STON2: variants seen among roughly 807,000 people sequenced by gnomAD.
STON2 encodes the protein stonin 2.
In STON2, 29 loss-of-function variants were observed where a neutral mutation model predicts 65.7. The observed-to-expected ratio is 0.44, with a 90% CI of 0.33 to 0.60. STON2 has a LOEUF of 0.60. Among genes scored for constraint, STON2 ranks in the 20% least tolerant of loss-of-function variants. STON2 has a pLI of 0.03. For missense variants in STON2, 1,054 were observed against 1,118.1 expected, an observed-to-expected ratio of 0.94 and a Z score of 0.82; for synonymous variants, 404 against 414.2, an observed-to-expected ratio of 0.98 and a Z score of 0.30.
chr14:81,346,015 C>G (rs1897797275), intron 4 of STON2, among the ~76,000 whole-genome samples: 1 of 152,168 alleles, frequency 6.6e-6, no homozygotes, highest in Non-Finnish European at 1.5e-5. Context: ...GTTCTTGAGT[C>G]TCATGGCAGA....
intron 3 of STON2, among the ~76,000 whole-genome samples, chr14:81,382,090 G>A (rs1899549067): frequency 1.3e-5 from 2 of 151,932 alleles, no homozygotes; most frequent in Non-Finnish European, 2.9e-5. Context: ...GTGGTGGCAG[G>A]CACCTGTAAT....
intron 4 of STON2, among the ~76,000 whole-genome samples, chr14:81,331,433 AG>A (rs1897210435): frequency 6.6e-6 from 1 of 152,202 alleles, no homozygotes; most frequent in African/African-American, 2.4e-5. Context: ...AGGCAGAGCC[AG>A]GACTGGATCT....
At position 81,358,222 on chromosome 14, in the gene STON2, G is replaced by C. The variant is rs557338085; in HGVS notation, c.571+12766C>G. Among the ~76,000 whole-genome samples, 77 of 151,922 alleles carry C rather than the reference G, an allele frequency of 5.1e-4. 1 individual carries two copies. The South Asian group carries it at 6.0e-3, about 12-fold the overall frequency. On this transcript the variant is annotated intron_variant, in intron 4 of 7. Transcript: ENST00000614646. ...ACTATAGCTAAAATAAATTGTCAAA[G>C]GATACCCATTACAAAATAATATAAA...
rs746028556 is a variant in STON2, at chr14:81,398,423, G to A, written c.-41C>T. 5 of 1,522,838 alleles carry A rather than the reference G, an allele frequency of 3.3e-6. No individual in the cohort carries two copies. The African/African-American group carries it at 4.1e-5, about 13-fold the overall frequency. 94.3% of individuals were successfully genotyped at this position (1,522,838 alleles called of 1,614,324 possible). ...GTCATCTTCACACTGCTGACCTCAG[G>A]TGAACCCCAGAATACTGTCTGGGGT... On this transcript the variant is annotated 5_prime_UTR_variant, in exon 2 of 8. Coordinates refer to ENST00000614646, the MANE Select transcript of STON2 (RefSeq NM_001394390.1).
At chr14:81,304,657 G>A (rs966959213) in intron 5 of STON2, among the ~76,000 whole-genome samples, 4 of 152,164 alleles carry the variant, frequency 2.6e-5, no homozygotes, top group Admixed American at 2.0e-4. Flanking sequence ...GAGCCTGGGA[G>A]GCGGGGGTTG....
Position 81,265,788 on chromosome 14 carries a change from A to G in STON2, c.*2626T>C. The G allele has an allele frequency of 1.0e-6, 1 of 985,334 alleles. No individual in the cohort carries two copies. Among genetic ancestry groups the G allele is most frequent in the Middle Eastern group, 5.2e-4 (1 of 1,914 alleles). The allele number at this position is 985,334 out of a possible 1,614,324, so 61.0% of individuals were successfully genotyped here. A position where few individuals can be genotyped will look rare whatever the true frequency, so the allele number is the denominator to read the frequency against. ...AACAAAAAAGTCCAGGTGCATGTAC[A>G]CAGGAAATGAGAATTTACCATGGGG... On this transcript the variant is annotated 3_prime_UTR_variant, in exon 8 of 8. Coordinates refer to ENST00000614646, the MANE Select transcript of STON2 (RefSeq NM_001394390.1).
chr14:81,263,908 A>C lies in STON2; in HGVS notation c.*4506T>G, dbSNP rs189158709. On this transcript the variant is annotated 3_prime_UTR_variant, in exon 8 of 8. Coordinates refer to ENST00000614646, the MANE Select transcript of STON2 (RefSeq NM_001394390.1). The stretch of plus-strand genomic sequence containing the variant: ...TGAAATATATATCACCTCTGAAATC[A>C]TGACTTTATCTCACAAATTTTGACC... 271 of 985,434 alleles carry C rather than the reference A, an allele frequency of 2.8e-4. No homozygotes were observed. Among genetic ancestry groups the C allele is most frequent in the Non-Finnish European group, 2.8e-4 (234 of 829,932 alleles). The allele number at this position is 985,434 out of a possible 1,614,324, so 61.0% of individuals were successfully genotyped here.
chr14:81,418,412 T>C (rs1268013273), intron 2 of STON2, among the ~76,000 whole-genome samples: 2 of 152,110 alleles, frequency 1.3e-5, no homozygotes, highest in African/African-American at 4.8e-5. Flanking sequence ...GAGATTTGGG[T>C]GGGGACACAG....
chr14:81,376,454 C>T (rs140091643), intron 3 of STON2, among the ~76,000 whole-genome samples: 1 of 152,084 alleles, frequency 6.6e-6, no homozygotes, highest in African/African-American at 2.4e-5. Flanking sequence ...TGTCCAATAA[C>T]CTTGAAATAA....
chr14:81,416,295 G>C (rs143946915), intron 2 of STON2, among the ~76,000 whole-genome samples: 48 of 152,284 alleles, frequency 3.2e-4, no homozygotes, highest in African/African-American at 1.0e-3. Context: ...CTAGTCAAGA[G>C]AGAGAACAAG....
intron 3 of STON2, among the ~76,000 whole-genome samples, chr14:81,385,839 G>A (rs1474709793): frequency 6.6e-6 from 1 of 152,200 alleles, no homozygotes; most frequent in Non-Finnish European, 1.5e-5. Context: ...ATAATAACAA[G>A]TAAACTAATG....
At chr14:81,377,624 C>A (rs1899315192) in intron 3 of STON2, among the ~76,000 whole-genome samples, 1 of 152,164 alleles carries the variant, frequency 6.6e-6, no homozygotes, top group Non-Finnish European at 1.5e-5. Context: ...ATTTTATATT[C>A]CCACCAGCAA....
intron 5 of STON2, chr14:81,323,776 T>C (rs1896904896): frequency 6.6e-6 from 1 of 152,082 alleles, no homozygotes; most frequent in Non-Finnish European, 1.5e-5. Context: ...AAAGGGTACA[T>C]TGTACTAACT....
In STON2 at chr14:81,382,335, C is replaced by G. The variant is rs565090411; in HGVS notation, c.374-11150G>C. 2.6e-5 allele frequency among the ~76,000 whole-genome samples: 4 copies of G among 152,218 alleles called. No individual in the cohort carries two copies. The South Asian group carries it at 8.3e-4, about 32-fold the overall frequency. ...CACAGAGTAATAAAAACTAAAAGAA[C>G]CATAGCTACAAGTTCTTTTCGTTTT... On this transcript the variant is annotated intron_variant, in intron 3 of 7. Transcript: ENST00000614646.
In STON2 at chr14:81,268,180, C is replaced by T. The variant is rs898867364; in HGVS notation, c.*234G>A. On this transcript the variant is annotated 3_prime_UTR_variant, in exon 8 of 8. Coordinates refer to ENST00000614646, the MANE Select transcript of STON2 (RefSeq NM_001394390.1). ...TAAGCTCCAACAGTCAGGTGAACCT[C>T]GTGCTTTAGGCATGACCAGAATCAA... 6 of 1,125,060 alleles carry T rather than the reference C, an allele frequency of 5.3e-6. No homozygotes were observed. Among genetic ancestry groups the T allele is most frequent in the Middle Eastern group, 3.2e-4 (1 of 3,078 alleles). 69.7% of individuals were successfully genotyped at this position (1,125,060 alleles called of 1,614,324 possible). A position where few individuals can be genotyped will look rare whatever the true frequency, so the allele number is the denominator to read the frequency against.
intron 4 of STON2, among the ~76,000 whole-genome samples, chr14:81,370,447 G>C (rs1050018564): frequency 2.0e-5 from 3 of 152,174 alleles, no homozygotes; most frequent in African/African-American, 7.2e-5. Context: ...TTTAATAAAG[G>C]AGGCATAGTG....
At position 81,354,989 on chromosome 14, in the gene STON2, G is replaced by GA. The variant is rs777805088; in HGVS notation, c.571+15998dup. On this transcript the variant is annotated intron_variant, in intron 4 of 7. Coordinates refer to ENST00000614646, the MANE Select transcript of STON2 (RefSeq NM_001394390.1). ...GAGCAGAGATCACTCCGTCTCAGAA[G>GA]AAAAAAAAAAAATGAAATAGAACAC... is the stretch of plus-strand genomic sequence containing the variant. Among the ~76,000 whole-genome samples, 1,133 of 133,506 alleles carry GA rather than the reference G, an allele frequency of 8.5e-3. 12 individuals carry two copies. Among genetic ancestry groups the GA allele is most frequent in the African/African-American group, 0.027 (995 of 36,278 alleles). 87.6% of individuals were successfully genotyped at this position (133,506 alleles called of 152,430 possible).
At chr14:81,322,553 A>AAAAAAC in intron 5 of STON2, among the ~76,000 whole-genome samples, 1 of 152,178 alleles carries the variant, frequency 6.6e-6, no homozygotes, top group Non-Finnish European at 1.5e-5. Flanking sequence ...TAGAGCCGCA[A>AAAAAAC]AAAAACAAAC....
At chr14:81,420,265 G>A (rs998825485) in intron 2 of STON2, among the ~76,000 whole-genome samples, 4 of 152,194 alleles carry the variant, frequency 2.6e-5, no homozygotes, top group African/African-American at 4.8e-5. Flanking sequence ...TGGCCAATAC[G>A]GAAAGTTAAA....
Sources: gnomAD v4.1 joint callset for allele counts (sites outside exome capture counted in the v4.1 genomes callset) on GRCh38, gnomAD v4.1.1 for gene constraint, MANE v1.5 for transcripts, NCBI Gene and HGNC (gene_info 2026-07-23, HGNC 2026-07-21) for gene names.